Variants in ME3 observed in about 807,000 individuals in gnomAD.
ME3 encodes malic enzyme 3, also known as NADP-dependent malic enzyme, mitochondrial.
ME3 carries 48 observed loss-of-function variants against 68.9 expected under a neutral mutation model. That is an observed-to-expected ratio of 0.70 (90% CI 0.55 to 0.89). ME3 has a LOEUF of 0.89. ME3 is among the 40% of genes least tolerant of loss of function. ME3 has a pLI of 0.00. For missense variants in ME3, 675 were observed against 797.4 expected (o/e 0.85, Z 1.85); for synonymous variants, 320 against 318.8 (o/e 1.00, Z -0.04).
chr11:86,577,494 T>C (rs1479077542), intron 2 of ME3, among the ~76,000 whole-genome samples: 1 of 152,230 alleles, frequency 6.6e-6, no homozygotes, highest in Non-Finnish European at 1.5e-5. Context: ...GGTGCCTTGC[T>C]AGATGCTAGG....
intron 2 of ME3, among the ~76,000 whole-genome samples, chr11:86,610,364 C>T (rs1942471350): frequency 6.6e-6 from 1 of 151,910 alleles, no homozygotes; most frequent in East Asian, 1.9e-4. Flanking sequence ...AACTAAATAC[C>T]TTGAGACCTC....
At chr11:86,547,125 CTACTCAGGAGGCTGA>C (rs1353949125) in intron 4 of ME3, among the ~76,000 whole-genome samples, 2 of 150,548 alleles carry the variant, frequency 1.3e-5, no homozygotes, top group Non-Finnish European at 2.9e-5. Flanking sequence ...GTAGTCCCAG[CTACTCAGGAGGCTGA>C]GGCAGGAGAA....
chr11:86,671,273 C>A (rs557653826), intron 2 of ME3, among the ~76,000 whole-genome samples: 22 of 152,346 alleles, frequency 1.4e-4, no homozygotes, highest in African/African-American at 5.3e-4. Flanking sequence ...ATCTTTTTCT[C>A]AGAATAATAA....
intron 2 of ME3, among the ~76,000 whole-genome samples, chr11:86,628,913 G>A (rs893695828): frequency 1.3e-5 from 2 of 152,132 alleles, no homozygotes; most frequent in Non-Finnish European, 1.5e-5. Flanking sequence ...GACAAGCAAG[G>A]GATGGAAAAA....
chr11:86,583,434 T>G (rs1183391804), intron 2 of ME3, among the ~76,000 whole-genome samples: 1 of 152,222 alleles, frequency 6.6e-6, no homozygotes, highest in African/African-American at 2.4e-5. Flanking sequence ...TGCTATTCAT[T>G]CCTCAAAAAT....
At chr11:86,542,061 GC>G (rs1956079747) in intron 4 of ME3, among the ~76,000 whole-genome samples, 1 of 152,196 alleles carries the variant, frequency 6.6e-6, no homozygotes, top group Non-Finnish European at 1.5e-5. Flanking sequence ...CAGCAGAGGG[GC>G]CTGACTGTTA....
At chr11:86,668,373 T>G (rs1408702579) in intron 2 of ME3, 2 of 152,252 alleles carry the variant, frequency 1.3e-5, no homozygotes, top group Admixed American at 1.3e-4. Context: ...TTCAATGCAT[T>G]TGCTATTTTT....
intron 4 of ME3, among the ~76,000 whole-genome samples, chr11:86,547,975 C>T (rs902579416): frequency 6.6e-6 from 1 of 152,188 alleles, no homozygotes; most frequent in Non-Finnish European, 1.5e-5. Context: ...CCCAGAACAT[C>T]CTGTTCTAGT....
intron 10 of ME3, 58 bp downstream of exon 10, chr11:86,449,831 C>A: frequency 7.6e-7 from 1 of 1,308,910 alleles, no homozygotes; most frequent in South Asian, 1.2e-5. Context: ...CTCTTCCAGT[C>A]CAGTTCCTGG....
chr11:86,642,057 A>G (rs996937085), intron 2 of ME3, among the ~76,000 whole-genome samples: 1 of 152,190 alleles, frequency 6.6e-6, no homozygotes, highest in Non-Finnish European at 1.5e-5. Context: ...ATTCAACCCA[A>G]TGGAGAAAGT....
At chr11:86,593,652 G>T (rs550437300) in intron 2 of ME3, among the ~76,000 whole-genome samples, 1 of 146,386 alleles carries the variant, frequency 6.8e-6, no homozygotes, top group African/African-American at 2.5e-5. Flanking sequence ...TCATCACCCA[G>T]AGATAGCCAC....
At chr11:86,579,320 C>T (rs762859977) in intron 2 of ME3, among the ~76,000 whole-genome samples, 2 of 152,248 alleles carry the variant, frequency 1.3e-5, no homozygotes, top group African/African-American at 2.4e-5. Flanking sequence ...CCAAACTTGC[C>T]CATGAGAGGC....
rs1440735659 is a variant in ME3, at chr11:86,594,561, G to A, written c.184-34738C>T. 2.1e-5 allele frequency among the ~76,000 whole-genome samples: 3 copies of A among 145,616 alleles called. 1 individual carries two copies. The South Asian group carries it at 6.8e-4, about 33-fold the overall frequency. ...AATAAAAAAATCAGCCAGGTGTGGT[G>A]ATGCATGCTTATAGCCCAGCTACTT... On this transcript the variant is annotated intron_variant, in intron 2 of 14. Coordinates refer to ENST00000543262, the Ensembl canonical transcript of ME3.
At chr11:86,542,726 C>A (rs952755685) in intron 4 of ME3, among the ~76,000 whole-genome samples, 1 of 152,176 alleles carries the variant, frequency 6.6e-6, no homozygotes, top group Non-Finnish European at 1.5e-5. Flanking sequence ...TTGGAAAACA[C>A]TCTGCAGGAT....
At chr11:86,462,800 A>G in intron 8 of ME3, 1 of 426,472 alleles carries the variant, frequency 2.3e-6, no homozygotes, top group East Asian at 7.1e-5. Flanking sequence ...ACAGAGGGGA[A>G]CACCTGAGGG....
At chr11:86,560,748 G>GTATGTGTATATATATATATATATATA (rs1957184106) in intron 2 of ME3, among the ~76,000 whole-genome samples, 15 of 62,520 alleles carry the variant, frequency 2.4e-4, no homozygotes, top group South Asian at 7.9e-4. Flanking sequence ...GTGTGTGTGT[G>GTATGTGTATATATATATATATATATA]TATATATATA....
At chr11:86,603,898 G>A (rs1326890302) in intron 2 of ME3, among the ~76,000 whole-genome samples, 17 of 132,446 alleles carry the variant, frequency 1.3e-4, no homozygotes, top group African/African-American at 4.9e-4. Context: ...TGAACAATGA[G>A]AACACATGGA....
At chr11:86,493,933 C>T (rs576239501) in intron 6 of ME3, among the ~76,000 whole-genome samples, 2 of 152,074 alleles carry the variant, frequency 1.3e-5, no homozygotes, top group African/African-American at 2.4e-5. Flanking sequence ...CCTCCCTGCA[C>T]GGACATGTGA....
At chr11:86,656,865 A>AG (rs1335132111) in intron 2 of ME3, among the ~76,000 whole-genome samples, 1 of 152,100 alleles carries the variant, frequency 6.6e-6, no homozygotes, top group Non-Finnish European at 1.5e-5. Context: ...ATGAAAAAAA[A>AG]AAAGCTCATG....
Sources: allele counts gnomAD v4.1 joint callset (sites outside exome capture counted in the v4.1 genomes callset), GRCh38; gene constraint gnomAD v4.1.1; transcripts MANE v1.5; gene names NCBI Gene and HGNC (gene_info 2026-07-23, HGNC 2026-07-21).